Variants in DMD observed in about 807,000 individuals in gnomAD.
The protein encoded by DMD is mutant dystrophin.
A neutral mutation model predicts 330.1 loss-of-function variants in DMD; 63 were observed. The observed-to-expected ratio is 0.19, with a 90% CI of 0.16 to 0.24. The LOEUF is 0.24. Ranked by LOEUF, DMD falls within the 10% of genes least tolerant of loss-of-function variation. The pLI, the probability that DMD is intolerant of heterozygous loss-of-function variation, is 1.00. For synonymous variants in DMD, 1,223 were observed against 959.8 expected, an observed-to-expected ratio of 1.27 and a Z score of -5.07; for missense variants, 3,344 against 2,684.1, an observed-to-expected ratio of 1.25 and a Z score of -5.43.
chrX:31,798,739 T>C (rs1368974660), intron 50 of DMD, among the ~76,000 whole-genome samples: 2 of 110,978 alleles, frequency 1.8e-5, no homozygotes, highest in Non-Finnish European at 3.8e-5. Context: ...ACAGGAAATA[T>C]ACATTTAACA....
chrX:31,817,978 C>T lies in DMD; in HGVS notation c.7309+1997G>A, dbSNP rs753599414. On this transcript the variant is annotated intron_variant, in intron 50 of 78. Transcript: ENST00000357033. ...CTCTTAACAGACAAGCTTCCCTGAC[C>T]ACACTATAGACAATAATACCCTCAT... Among the ~76,000 whole-genome samples, 143 of 111,735 alleles carry T rather than the reference C, an allele frequency of 1.3e-3. 1 individual carries two copies. Among genetic ancestry groups the T allele is most frequent in the African/African-American group, 4.5e-3 (137 of 30,748 alleles).
chrX:32,842,383 T>G (rs1311350326), intron 4 of DMD, among the ~76,000 whole-genome samples: 1 of 112,055 alleles, frequency 8.9e-6, no homozygotes, highest in Non-Finnish European at 1.9e-5. Flanking sequence ...ATTCTTTTGC[T>G]CATTGTAATA....
At chrX:32,938,206 G>A (rs2090152536) in intron 2 of DMD, among the ~76,000 whole-genome samples, 1 of 111,407 alleles carries the variant, frequency 9.0e-6, no homozygotes, top group Non-Finnish European at 1.9e-5. Flanking sequence ...ATTTTTTAAA[G>A]GAAACTCTAA....
chrX:31,638,943 T>C lies in DMD; in HGVS notation c.8028-11081A>G, dbSNP rs1603433544. Among the ~76,000 whole-genome samples the C allele has an allele frequency of 3.6e-5, 4 of 111,910 alleles. 1 individual carries two copies. ...GATGAGTGTTATCACCACCCTTTTA[T>C]AGAGATCATGCCATTCAAGTGGTGA... is the stretch of plus-strand genomic sequence containing the variant. On this transcript the variant is annotated intron_variant, in intron 54 of 78. Transcript: ENST00000357033.
At chrX:31,263,210 G>A in intron 62 of DMD, among the ~76,000 whole-genome samples, 1 of 112,230 alleles carries the variant, frequency 8.9e-6, no homozygotes, top group Non-Finnish European at 1.9e-5. Flanking sequence ...AGGGAACCAC[G>A]GTGAAAAGCC....
intron 60 of DMD, among the ~76,000 whole-genome samples, chrX:31,351,159 T>TATACAC (rs1556545835): frequency 0.012 from 1,241 of 105,129 alleles, 20 homozygotes; most frequent in African/African-American, 0.042. Context: ...CATACATATA[T>TATACAC]ACACACACAC....
chrX:31,229,962 G>A (rs1393826065), intron 63 of DMD, among the ~76,000 whole-genome samples: 1 of 112,123 alleles, frequency 8.9e-6, no homozygotes, highest in African/African-American at 3.2e-5. Flanking sequence ...AATCCAGTCT[G>A]TCTTGAAAGC....
rs55752684 is a variant in DMD at position 31,473,711 on chromosome X, C to CAAAAAAAA, written c.8937+4387_8937+4394dup. Among the ~76,000 whole-genome samples the CAAAAAAAA allele has an allele frequency of 4.5e-3, 180 of 40,087 alleles. 4 individuals are homozygous for CAAAAAAAA. The highest frequency in any genetic ancestry group is 0.015 in the African/African-American group (163 of 11,139). The allele number at this position is 40,087 out of a possible 115,157, so 34.8% of individuals were successfully genotyped here. On this transcript the variant is annotated intron_variant, in intron 59 of 78. Coordinates refer to ENST00000357033, the MANE Select transcript of DMD (RefSeq NM_004006.3). ...CTGGTGACAGAGTGAGACTCTGTCT[C>CAAAAAAAA]AAAAAAAAAAAAAAAAAGAAAACAA... is the stretch of plus-strand genomic sequence containing the variant.
chrX:31,444,532 C>A lies in DMD; in HGVS notation c.9033G>T (p.Pro3011=). 1 of 1,211,658 alleles carries A rather than the reference C, an allele frequency of 8.3e-7. No individual in the cohort carries two copies. The change falls in exon 60 of 79, where the codon CCG becomes CCT. Residue 3011 remains proline, a synonymous_variant. Transcript: ENST00000357033. ...GGTCTTCCAGAGTGCTGAGGTTATACGGTGAGAGCTGAATGCCCAAAGTGG... is the reference window on the plus strand; with the variant it reads ...GGTCTTCCAGAGTGCTGAGGTTATAAGGTGAGAGCTGAATGCCCAAAGTGG... The part of the protein sequence containing the change: ...QLTTLGIQLS[P]YNLSTLEDLN...
intron 76 of DMD, among the ~76,000 whole-genome samples, chrX:31,144,473 G>T (rs1478087478): frequency 8.9e-6 from 1 of 111,770 alleles, no homozygotes; most frequent in African/African-American, 3.3e-5. Flanking sequence ...TCCAACTTTT[G>T]AATTTTCCCG....
In DMD at chrX:32,348,624, C is replaced by CA. The variant is rs1189226902; in HGVS notation, c.5326-97_5326-96insT. The CA allele has an allele frequency of 1.2e-5, 9 of 766,207 alleles. No individual in the cohort carries two copies. The East Asian group carries it at 3.2e-4, about 27-fold the overall frequency. 63.1% of individuals were successfully genotyped at this position (766,207 alleles called of 1,213,427 possible). A position where few individuals can be genotyped will look rare whatever the true frequency, so the allele number is the denominator to read the frequency against. ...ATTTATTCAACCTCCTGTTGCTAAA[C>CA]TAATCACATGCATTATGTTTCCATA... On this transcript the variant is annotated intron_variant, in intron 37 of 78. Coordinates refer to ENST00000357033, the MANE Select transcript of DMD (RefSeq NM_004006.3).
chrX:32,834,865 T>C (rs895289520), intron 4 of DMD, among the ~76,000 whole-genome samples: 1 of 111,363 alleles, frequency 9.0e-6, no homozygotes, highest in Non-Finnish European at 1.9e-5. Flanking sequence ...TATGAATCTT[T>C]ATAAAAGGGA....
chrX:33,035,835 A>G (rs1315276587), intron 1 of DMD, among the ~76,000 whole-genome samples: 2 of 111,869 alleles, frequency 1.8e-5, no homozygotes, highest in Non-Finnish European at 3.8e-5. Flanking sequence ...AAAGCGTGGT[A>G]TGAAAGTGTC....
chrX:31,990,845 A>G (rs961714820), intron 44 of DMD, among the ~76,000 whole-genome samples: 53 of 112,331 alleles, frequency 4.7e-4, no homozygotes, highest in African/African-American at 1.6e-3. Flanking sequence ...TCCGTGAGGA[A>G]ACAAGATGTA....
At chrX:33,134,008 T>C (rs181880278) in intron 1 of DMD, among the ~76,000 whole-genome samples, 1 of 111,989 alleles carries the variant, frequency 8.9e-6, no homozygotes, top group African/African-American at 3.2e-5. Flanking sequence ...AGATGATTAG[T>C]GTTAATTTTT....
upstream of DMD, among the ~76,000 whole-genome samples, chrX:33,214,731 A>C (rs2052020375): frequency 8.9e-6 from 1 of 111,906 alleles, no homozygotes; most frequent in Non-Finnish European, 1.9e-5. Context: ...ATACCTCGTT[A>C]TAGTCTCAAA....
chrX:31,174,346 CT>C (rs955547699), intron 71 of DMD, among the ~76,000 whole-genome samples: 3 of 111,668 alleles, frequency 2.7e-5, no homozygotes, highest in African/African-American at 9.7e-5. Context: ...AGTCTATATG[CT>C]TTTTGTATAT....
intron 1 of DMD, among the ~76,000 whole-genome samples, chrX:33,335,434 G>T (rs1284576369): frequency 9.1e-6 from 1 of 110,437 alleles, no homozygotes; most frequent in Admixed American, 9.7e-5. Context: ...AACAAAATCA[G>T]TAAGATTTAT....
At chrX:32,338,993 C>T (rs1376520285) in intron 41 of DMD, among the ~76,000 whole-genome samples, 1 of 112,111 alleles carries the variant, frequency 8.9e-6, no homozygotes, top group African/African-American at 3.2e-5. Flanking sequence ...CTCTTAATGA[C>T]TTATGAAAAT....
Sources: allele counts gnomAD v4.1 joint callset (sites outside exome capture counted in the v4.1 genomes callset), GRCh38; gene constraint gnomAD v4.1.1; transcripts MANE v1.5; gene names NCBI Gene and HGNC (gene_info 2026-07-23, HGNC 2026-07-21).